Variants in LMOD3 observed in about 807,000 individuals in gnomAD.
LMOD3 encodes the protein leiomodin 3.
A neutral mutation model predicts 41.8 loss-of-function variants in LMOD3; 31 were observed. That is an observed-to-expected ratio of 0.74 (90% confidence interval 0.56 to 1.00). The LOEUF is 1.00. Among genes scored for constraint, LMOD3 ranks in the 50% least tolerant of loss-of-function variants. LMOD3 has a pLI of 0.00. For missense variants in LMOD3, 755 were observed against 679.5 expected (o/e 1.11, Z -1.23); for synonymous variants, 292 against 241.9 (o/e 1.21, Z -1.92).
intron 2 of LMOD3, among the ~76,000 whole-genome samples, chr3:69,115,067 T>C (rs1178813865): frequency 6.6e-6 from 1 of 152,120 alleles, no homozygotes; most frequent in Non-Finnish European, 1.5e-5. Flanking sequence ...AGGATCTCAC[T>C]TTGTTTTGTT....
At position 69,120,065 on chromosome 3, in the gene LMOD3, A is replaced by G. The variant is rs747449404; in HGVS notation, c.295-5T>C. 1.1e-5 allele frequency: 17 copies of G among 1,589,498 alleles called. No individual in the cohort carries two copies. The highest frequency in any genetic ancestry group is 6.8e-5 in the African/African-American group (5 of 73,304). On this transcript the variant is annotated splice_region_variant and splice_polypyrimidine_tract_variant and intron_variant, in intron 1 of 2. Transcript: ENST00000420581. ...ATGCTCTTCTTGAGTCTTTTCCTACAAGAGAGGTTTATGAGGGTTAGAATA... is the reference window on the plus strand; with the variant it reads ...ATGCTCTTCTTGAGTCTTTTCCTACGAGAGAGGTTTATGAGGGTTAGAATA...
intron 2 of LMOD3, among the ~76,000 whole-genome samples, chr3:69,117,856 G>A (rs2092383274): frequency 7.5e-6 from 1 of 133,304 alleles, no homozygotes; most frequent in South Asian, 2.9e-4. Context: ...TTTTTTAGAT[G>A]GAGTCTCGCT....
chr3:69,122,121 C>T lies in LMOD3; in HGVS notation c.266G>A (p.Arg89Gln), dbSNP rs771330798. The T allele has an allele frequency of 3.7e-6, 6 of 1,612,074 alleles. No individual in the cohort carries two copies. The highest frequency in any genetic ancestry group is 2.7e-5 in the African/African-American group (2 of 74,878). Reference sequence around the variant, plus strand: ...GGATTTCACAAAGGTGACAGGAACTCGTTCCTCTTCCAGCATGCGCCTGGA... The same window carrying T: ...GGATTTCACAAAGGTGACAGGAACTTGTTCCTCTTCCAGCATGCGCCTGGA... ...KASRRMLEEE[R>Q]VPVTFVKSEE... Residue 89 changes from arginine (R) to glutamine (Q), a missense_variant, in exon 1 of 3, where the codon CGA (arginine) becomes CAA (glutamine). Physicochemically the swap from Arg to Gln is conservative, Grantham distance 43 (BLOSUM62 1). Coordinates refer to ENST00000420581, the MANE Select transcript of LMOD3 (RefSeq NM_198271.5).
In LMOD3 at chr3:69,106,475, C is replaced by T. The variant is rs978908214; in HGVS notation, c.*2620G>A. On this transcript the variant is annotated 3_prime_UTR_variant, in exon 3 of 3. Transcript: ENST00000420581. The stretch of plus-strand genomic sequence containing the variant: ...ATTACATTTAAAAACAAGCTAAAAT[C>T]TGCAACTAAGATCTTTAGGGTTGGG... Among the ~76,000 whole-genome samples the T allele has an allele frequency of 2.0e-5, 3 of 152,032 alleles. No homozygotes were observed. Among genetic ancestry groups the T allele is most frequent in the African/African-American group, 7.2e-5 (3 of 41,398 alleles).
At chr3:69,120,160 C>T in intron 1 of LMOD3, 100 bp from the exon 2 acceptor site, 53 of 1,327,776 alleles carry the variant, frequency 4.0e-5, no homozygotes, top group Non-Finnish European at 5.2e-5. Flanking sequence ...TTTAAAAGAG[C>T]TGGTTGCTAT....
At chr3:69,110,838 C>CAAGAA (rs1285582674) in intron 2 of LMOD3, among the ~76,000 whole-genome samples, 2 of 67,036 alleles carry the variant, frequency 3.0e-5, no homozygotes, top group African/African-American at 1.6e-4. Context: ...GACACCATCT[C>CAAGAA]AAAAAAAAAA....
At chr3:69,115,049 G>T (rs760003592) in intron 2 of LMOD3, among the ~76,000 whole-genome samples, 3 of 152,036 alleles carry the variant, frequency 2.0e-5, no homozygotes, top group Non-Finnish European at 4.4e-5. Context: ...AAAATGTTTT[G>T]TAGAAACAGG....
intron 2 of LMOD3, among the ~76,000 whole-genome samples, chr3:69,113,443 A>G (rs1347402299): frequency 6.6e-6 from 1 of 152,246 alleles, no homozygotes; most frequent in Non-Finnish European, 1.5e-5. Context: ...AGAAGACCTC[A>G]TAAATGAGGC....
Position 69,115,044 on chromosome 3 carries a change from G to A in LMOD3, c.1656+3655C>T, listed in dbSNP as rs539943365. On this transcript the variant is annotated intron_variant, in intron 2 of 2. Coordinates refer to ENST00000420581, the MANE Select transcript of LMOD3 (RefSeq NM_198271.5). ...TCACACCAGGCTAACTTTTAAAAAT[G>A]TTTTGTAGAAACAGGATCTCACTTT... Among the ~76,000 whole-genome samples, 6 of 152,176 alleles carry A rather than the reference G, an allele frequency of 3.9e-5. No individual in the cohort carries two copies. In the South Asian group the frequency reaches 1.0e-3, roughly 26 times the overall value.
chr3:69,120,389 C>G (rs1370992596), intron 1 of LMOD3, among the ~76,000 whole-genome samples: 1 of 151,994 alleles, frequency 6.6e-6, no homozygotes, highest in South Asian at 2.1e-4. Context: ...AAATAGGCAT[C>G]TAGTACCCAA....
intron 2 of LMOD3, among the ~76,000 whole-genome samples, chr3:69,113,626 T>C (rs1450008881): frequency 6.6e-6 from 1 of 152,238 alleles, no homozygotes; most frequent in Non-Finnish European, 1.5e-5. Flanking sequence ...TTTAGCCAAC[T>C]GGATGGGAGC....
At chr3:69,117,335 A>C (rs2092379359) in intron 2 of LMOD3, among the ~76,000 whole-genome samples, 1 of 152,260 alleles carries the variant, frequency 6.6e-6, no homozygotes, top group South Asian at 2.1e-4. Flanking sequence ...CAATTATTTC[A>C]GAATATCAAG....
At chr3:69,120,922 G>T (rs1166188548) in intron 1 of LMOD3, among the ~76,000 whole-genome samples, 1 of 152,096 alleles carries the variant, frequency 6.6e-6, no homozygotes, top group Non-Finnish European at 1.5e-5. Flanking sequence ...GGGCCTCATA[G>T]ATATCATTTT....
At chr3:69,114,057 G>C (rs989552751) in intron 2 of LMOD3, among the ~76,000 whole-genome samples, 4 of 152,140 alleles carry the variant, frequency 2.6e-5, no homozygotes, top group African/African-American at 9.7e-5. Context: ...AGCCAGATAA[G>C]TCATGTAAAT....
At chr3:69,115,298 A>C (rs6794369) in intron 2 of LMOD3, among the ~76,000 whole-genome samples, 5,081 of 152,182 alleles carry the variant, frequency 0.033, 291 homozygotes, top group African/African-American at 0.12. Flanking sequence ...CCAGGGCAAC[A>C]TAGTGAGATC....
At chr3:69,114,145 AAC>A (rs1320322588) in intron 2 of LMOD3, among the ~76,000 whole-genome samples, 2 of 152,232 alleles carry the variant, frequency 1.3e-5, no homozygotes. Flanking sequence ...TCAAGGATGA[AAC>A]CAATGCATAG....
rs756497709 is a variant in LMOD3 at position 69,119,435 on chromosome 3, C to T, written c.920G>A (p.Arg307His). 48 of 1,613,882 alleles carry T rather than the reference C, an allele frequency of 3.0e-5. No homozygotes were observed. The highest frequency in any genetic ancestry group is 1.6e-4 in the Middle Eastern group (1 of 6,084). The change falls in exon 2 of 3, where the codon CGT (arginine) becomes CAT (histidine). Residue 307 changes from arginine to histidine, a missense_variant. Physicochemically the swap from Arg to His is conservative, Grantham distance 29. Coordinates refer to ENST00000420581, the MANE Select transcript of LMOD3 (RefSeq NM_198271.5). Reference protein sequence around the residue: ...NVAFALANMLRENRSITTLNI... With the variant: ...NVAFALANMLHENRSITTLNI... ...GAGAGTGGTGATGCTTCTATTTTCA[C>T]GCAACATGTTAGCCAAGGCAAATGC...
rs1382794366 is a variant in LMOD3, at chr3:69,119,367, T to G, written c.988A>C (p.Ile330Leu). The change falls in exon 2 of 3, where the codon ATC (isoleucine) becomes CTC (leucine). Residue 330 changes from isoleucine (I) to leucine (L), a missense_variant. Ile to Leu is a conservative substitution (Grantham distance 5). Transcript: ENST00000420581. ...NFITGKGIVAIMRCLQFNETL... is the reference protein window; with the variant it reads ...NFITGKGIVALMRCLQFNETL... ...TCATTAAACTGGAGACACCTCATGA[T>G]GGCCACAATCCCTTTACCTGTGATG... The G allele has an allele frequency of 6.2e-6, 10 of 1,613,896 alleles. No homozygotes were observed. Among genetic ancestry groups the G allele is most frequent in the Non-Finnish European group, 7.6e-6 (9 of 1,179,906 alleles).
At chr3:69,120,150 T>C in intron 1 of LMOD3, 90 bp from the exon 2 acceptor site, 1 of 1,387,596 alleles carries the variant, frequency 7.2e-7, no homozygotes, top group Non-Finnish European at 9.4e-7. Flanking sequence ...AAAATGCTTA[T>C]TTAAAAGAGC....
Sources: allele counts gnomAD v4.1 joint callset (sites outside exome capture counted in the v4.1 genomes callset), GRCh38; gene constraint gnomAD v4.1.1; transcripts MANE v1.5; gene names NCBI Gene and HGNC (gene_info 2026-07-23, HGNC 2026-07-21).